Variants in NTRK3 observed in about 807,000 individuals in gnomAD.
NTRK3 encodes neurotrophic receptor tyrosine kinase 3.
NTRK3 carries 24 observed loss-of-function variants against 91.7 expected under a neutral mutation model. The ratio of observed to expected loss-of-function variants is 0.26; its 90% CI spans 0.19 to 0.37. The LOEUF (loss-of-function observed/expected upper bound fraction) is 0.37, where lower values mean the gene tolerates loss of function less well. Among genes scored for constraint, NTRK3 ranks in the 10% least tolerant of loss-of-function variants. The pLI is 1.00. For missense variants in NTRK3, 880 were observed against 1,068.9 expected, an observed-to-expected ratio of 0.82 and a Z score of 2.46; for synonymous variants, 483 against 404.0, an observed-to-expected ratio of 1.20 and a Z score of -2.34.
At chr15:87,916,578 A>G (rs748783066) in intron 17 of NTRK3, 9 of 702,198 alleles carry the variant, frequency 1.3e-5, no homozygotes, top group Non-Finnish European at 2.3e-5. Context: ...GAGAGAAGAA[A>G]ACAACTGGAT....
At chr15:88,057,101 G>A (rs1226826728) in intron 13 of NTRK3, among the ~76,000 whole-genome samples, 2 of 150,322 alleles carry the variant, frequency 1.3e-5, no homozygotes, top group Non-Finnish European at 1.5e-5. Context: ...CCCGGGAGGC[G>A]GAGCTTGCAG....
At chr15:88,181,432 C>T (rs973717828) in intron 5 of NTRK3, among the ~76,000 whole-genome samples, 48 of 152,266 alleles carry the variant, frequency 3.2e-4, no homozygotes, top group African/African-American at 1.2e-3. Flanking sequence ...TCAGAGCCAC[C>T]TGCAGCCCAA....
At chr15:88,023,402 G>A (rs1348279576) in intron 14 of NTRK3, among the ~76,000 whole-genome samples, 1 of 152,140 alleles carries the variant, frequency 6.6e-6, no homozygotes, top group Non-Finnish European at 1.5e-5. Context: ...CTGAAGATAA[G>A]ATTGAAGAAA....
At chr15:88,038,337 A>G (rs551231250) in intron 13 of NTRK3, among the ~76,000 whole-genome samples, 41 of 152,328 alleles carry the variant, frequency 2.7e-4, no homozygotes, top group African/African-American at 9.4e-4. Flanking sequence ...TTGCTCTTCC[A>G]TAAACTACAT....
chr15:88,178,308 T>C (rs1400908040), intron 5 of NTRK3, among the ~76,000 whole-genome samples: 1 of 152,250 alleles, frequency 6.6e-6, no homozygotes. Context: ...AATAAATCCA[T>C]GTCACCATTT....
Position 88,255,026 on chromosome 15 carries a change from C to T in NTRK3, c.248+880G>A, listed in dbSNP as rs1598210453. Among the ~76,000 whole-genome samples, 1 of 152,312 alleles carries T rather than the reference C, an allele frequency of 6.6e-6. No homozygotes were observed. Among genetic ancestry groups the T allele is most frequent in the South Asian group, 2.1e-4 (1 of 4,828 alleles). ...GCAAGGAGAAAAGAGCAGGCCACCA[C>T]TGGTCTCCCTCGGAGGGGGCAGAAC... On this transcript the variant is annotated intron_variant, in intron 3 of 18. Coordinates refer to ENST00000394480, the Ensembl canonical transcript of NTRK3. This position sits in a 1 kb window ranked among gnomAD's most constrained non-coding sequence, Gnocchi z 4.3.
rs2052350919 is a variant in NTRK3 at position 88,241,533 on chromosome 15, T to G, written c.248+14373A>C. Reference sequence around the variant, plus strand: ...TTCCCCAGGGCCCAGGGAGCTGCTCTGGGCTGGAAAGGAGGAGGGAGGGTG... The same window carrying G: ...TTCCCCAGGGCCCAGGGAGCTGCTCGGGGCTGGAAAGGAGGAGGGAGGGTG... On this transcript the variant is annotated intron_variant, in intron 3 of 18. Coordinates refer to ENST00000394480, the Ensembl canonical transcript of NTRK3. This position sits in a 1 kb window ranked among gnomAD's most constrained non-coding sequence, Gnocchi z 4.3. 6.6e-6 allele frequency among the ~76,000 whole-genome samples: 1 copy of G among 152,116 alleles called. No homozygotes were observed. The highest frequency in any genetic ancestry group is 1.5e-5 in the Non-Finnish European group (1 of 68,004).
At chr15:88,005,822 C>T (rs948211576) in intron 14 of NTRK3, among the ~76,000 whole-genome samples, 1 of 152,280 alleles carries the variant, frequency 6.6e-6, no homozygotes, top group East Asian at 1.9e-4. Context: ...AGTTTTTACC[C>T]TTGAACATTA....
chr15:87,903,291 A>C (rs1448377676), intron 17 of NTRK3, among the ~76,000 whole-genome samples: 1 of 152,254 alleles, frequency 6.6e-6, no homozygotes, highest in East Asian at 1.9e-4. Context: ...GAATTGCGGA[A>C]GCAAAGGGAC....
At chr15:88,102,575 G>A (rs1477800541) in intron 13 of NTRK3, among the ~76,000 whole-genome samples, 1 of 152,068 alleles carries the variant, frequency 6.6e-6, no homozygotes, top group Admixed American at 6.5e-5. Flanking sequence ...ACCCTGATTT[G>A]ATTATTACAT....
chr15:88,071,117 G>T (rs56817223), intron 13 of NTRK3, among the ~76,000 whole-genome samples: 4,697 of 152,310 alleles, frequency 0.031, 217 homozygotes, highest in African/African-American at 0.1. Flanking sequence ...GCCCAGGGAA[G>T]AAGGATGGCA....
intron 13 of NTRK3, among the ~76,000 whole-genome samples, chr15:88,084,180 A>G (rs2048304083): frequency 6.6e-6 from 1 of 151,666 alleles, no homozygotes; most frequent in African/African-American, 2.4e-5. Flanking sequence ...TTGAGCGCTC[A>G]GGGGTTCAAA....
At chr15:87,957,822 C>G (rs1046113364) in intron 14 of NTRK3, among the ~76,000 whole-genome samples, 3 of 152,188 alleles carry the variant, frequency 2.0e-5, no homozygotes, top group Non-Finnish European at 4.4e-5. Flanking sequence ...GTCGGTGGCC[C>G]ATTGTTTAGC....
At chr15:88,075,961 A>G (rs11073760) in intron 13 of NTRK3, among the ~76,000 whole-genome samples, 12,317 of 152,280 alleles carry the variant, frequency 0.081, 752 homozygotes, top group African/African-American at 0.17. Flanking sequence ...AGCCTGGCAC[A>G]CACTCAGCTT....
exon 19 of NTRK3, chr15:87,862,019 A>G (rs1236848252): frequency 4.7e-6 from 1 of 212,912 alleles, no homozygotes; most frequent in South Asian, 1.9e-4. Flanking sequence ...TTCTGTACAT[A>G]TTATTTCTAA....
At chr15:87,907,601 T>C (rs1249026407) in intron 17 of NTRK3, among the ~76,000 whole-genome samples, 1 of 152,090 alleles carries the variant, frequency 6.6e-6, no homozygotes, top group Admixed American at 6.5e-5. Context: ...CTGTCAGTGT[T>C]AGGAAGCAGC....
intron 5 of NTRK3, among the ~76,000 whole-genome samples, chr15:88,175,196 T>A (rs977467856): frequency 6.6e-6 from 1 of 152,360 alleles, no homozygotes; most frequent in Non-Finnish European, 1.5e-5. Context: ...TCCCACTACA[T>A]GTCAACAGAG....
At chr15:87,993,050 A>G (rs2075409258) in intron 14 of NTRK3, among the ~76,000 whole-genome samples, 1 of 152,168 alleles carries the variant, frequency 6.6e-6, no homozygotes, top group Admixed American at 6.5e-5. Flanking sequence ...TGATTATGTT[A>G]CTTTCAAAAT....
chr15:88,156,893 C>T (rs910565390), intron 5 of NTRK3, among the ~76,000 whole-genome samples: 5 of 152,220 alleles, frequency 3.3e-5, no homozygotes, highest in African/African-American at 2.4e-5. Flanking sequence ...ACCCACAAAA[C>T]TCTTTCATCT....
Sources: gnomAD v4.1 joint callset for allele counts (sites outside exome capture counted in the v4.1 genomes callset) on GRCh38, gnomAD v4.1.1 for gene constraint, Gnocchi (gnomAD v3.1) non-coding constraint, MANE v1.5 for transcripts, NCBI Gene and HGNC (gene_info 2026-07-23, HGNC 2026-07-21) for gene names.